The following RSU1 variants were observed in gnomAD, a reference collection of about 807,000 sequenced individuals.
RSU1 encodes the protein rsu-1.
Under a neutral mutation model 31.1 loss-of-function variants are expected in RSU1, and 26 were observed. That is an observed-to-expected ratio of 0.84 (90% CI 0.61 to 1.16). The LOEUF is 1.16. Among genes scored for constraint, RSU1 ranks in the 50% most tolerant of loss-of-function variants. The pLI, the probability that RSU1 is intolerant of heterozygous loss-of-function variation, is 0.00. For missense variants in RSU1, 320 were observed against 339.1 expected (o/e 0.94, Z 0.44); for synonymous variants, 164 against 136.3 (o/e 1.20, Z -1.41).
At chr10:16,726,814 G>A (rs777963491) in intron 7 of RSU1, among the ~76,000 whole-genome samples, 7 of 151,864 alleles carry the variant, frequency 4.6e-5, no homozygotes, top group Admixed American at 2.0e-4. Flanking sequence ...AGTATTTAAT[G>A]TACCTAAAAA....
At chr10:16,779,619 C>T (rs1032406827) in intron 3 of RSU1, among the ~76,000 whole-genome samples, 4 of 151,260 alleles carry the variant, frequency 2.6e-5, no homozygotes, top group South Asian at 2.1e-4. Flanking sequence ...AAAGCAGTGC[C>T]GGGTGAGGGG....
chr10:16,633,357 G>A (rs1198557967), intron 8 of RSU1, among the ~76,000 whole-genome samples: 1 of 152,082 alleles, frequency 6.6e-6, no homozygotes, highest in Non-Finnish European at 1.5e-5. Context: ...ACAGCTTAGG[G>A]TATGATGGCC....
chr10:16,634,090 G>A (rs905740871), intron 8 of RSU1, among the ~76,000 whole-genome samples: 10 of 152,212 alleles, frequency 6.6e-5, no homozygotes, highest in African/African-American at 2.2e-4. Flanking sequence ...AGTCTTTGGC[G>A]AAGTACACCT....
intron 8 of RSU1, among the ~76,000 whole-genome samples, chr10:16,642,837 C>T (rs1023281512): frequency 1.3e-5 from 2 of 152,112 alleles, no homozygotes; most frequent in Non-Finnish European, 2.9e-5. Flanking sequence ...CATTCCTTTG[C>T]CTTCTAAAAG....
intron 7 of RSU1, among the ~76,000 whole-genome samples, chr10:16,746,863 G>C (rs1836865855): frequency 6.6e-6 from 1 of 152,072 alleles, no homozygotes. Context: ...CTGCTTTTTA[G>C]GAGTCTGGAT....
intron 8 of RSU1, among the ~76,000 whole-genome samples, chr10:16,685,841 G>A (rs976451389): frequency 6.6e-6 from 1 of 152,078 alleles, no homozygotes; most frequent in Non-Finnish European, 1.5e-5. Flanking sequence ...GCGTCCCAGA[G>A]AGAACTATTA....
intron 8 of RSU1, among the ~76,000 whole-genome samples, chr10:16,692,098 A>T (rs187477518): frequency 1.3e-5 from 2 of 152,318 alleles, no homozygotes; most frequent in African/African-American, 4.8e-5. Flanking sequence ...CATAAAAGGT[A>T]ATCCAAGGCT....
chr10:16,746,807 T>G (rs1310068634), intron 7 of RSU1, among the ~76,000 whole-genome samples: 5 of 151,338 alleles, frequency 3.3e-5, no homozygotes, highest in Admixed American at 6.6e-5. Flanking sequence ...AAATAATATA[T>G]AAAAGAACAA....
chr10:16,593,670 C>G (rs1447101759), intron 8 of RSU1, among the ~76,000 whole-genome samples, 174 bp from the exon 9 acceptor site: 1 of 152,242 alleles, frequency 6.6e-6, no homozygotes, highest in African/African-American at 2.4e-5. Context: ...ATAAAATTCT[C>G]TTACACATGC....
intron 8 of RSU1, among the ~76,000 whole-genome samples, chr10:16,598,309 C>T (rs1205953153): frequency 2.0e-5 from 3 of 151,868 alleles, no homozygotes; most frequent in East Asian, 3.9e-4. Flanking sequence ...GAGGCCAAGG[C>T]GGGAGGATTG....
intron 8 of RSU1, among the ~76,000 whole-genome samples, chr10:16,657,731 G>A (rs748432004): frequency 1.2e-4 from 18 of 152,060 alleles, no homozygotes; most frequent in Non-Finnish European, 1.6e-4. Context: ...GGTGGCTCAC[G>A]CCCGTAATCC....
At chr10:16,662,480 C>A (rs1298057532) in intron 8 of RSU1, among the ~76,000 whole-genome samples, 1 of 152,162 alleles carries the variant, frequency 6.6e-6, no homozygotes, top group African/African-American at 2.4e-5. Context: ...CTCTTTTTCA[C>A]TTTCCTAATA....
intron 8 of RSU1, among the ~76,000 whole-genome samples, chr10:16,674,540 G>C (rs1202546606): frequency 6.6e-6 from 1 of 152,010 alleles, no homozygotes. Flanking sequence ...CCTGAGGACA[G>C]AGCAGTGTAC....
chr10:16,730,413 T>A (rs1417099796), intron 7 of RSU1, among the ~76,000 whole-genome samples: 1 of 152,012 alleles, frequency 6.6e-6, no homozygotes, highest in Non-Finnish European at 1.5e-5. Flanking sequence ...AGCTAGCACA[T>A]CAGAAGGCGT....
At chr10:16,659,928 C>T (rs373269904) in intron 8 of RSU1, among the ~76,000 whole-genome samples, 5 of 152,164 alleles carry the variant, frequency 3.3e-5, no homozygotes, top group Admixed American at 2.0e-4. Flanking sequence ...CGTTCTGAAA[C>T]GTCTCAGTCT....
chr10:16,593,546 A>G, intron 8 of RSU1, 50 bp from the exon 9 acceptor site: 1 of 1,423,018 alleles, frequency 7.0e-7, no homozygotes, highest in Non-Finnish European at 9.9e-7. Context: ...CCAACACAAG[A>G]TAGCTTTCAC....
intron 8 of RSU1, among the ~76,000 whole-genome samples, chr10:16,679,038 T>C (rs1257780924): frequency 2.0e-5 from 3 of 152,198 alleles, no homozygotes. Context: ...TAAAAAGATC[T>C]ATAAAAATAA....
At chr10:16,765,861 A>C (rs567681497) in intron 3 of RSU1, among the ~76,000 whole-genome samples, 1 of 152,204 alleles carries the variant, frequency 6.6e-6, no homozygotes, top group Non-Finnish European at 1.5e-5. Context: ...AGTCAGACCT[A>C]AACTCAGACC....
At position 16,667,021 on chromosome 10, in the gene RSU1, A is replaced by G. The variant is rs1006906610; in HGVS notation, c.731+28002T>C. Among the ~76,000 whole-genome samples, 10 of 146,682 alleles carry G rather than the reference A, an allele frequency of 6.8e-5. 1 individual carries two copies. The highest frequency in any genetic ancestry group is 2.4e-4 in the African/African-American group (10 of 40,878). ...ATCAAAAAAAACCAAACCAAAACAA[A>G]GCAAAACAAACAACAACAACAACAA... On this transcript the variant is annotated intron_variant, in intron 8 of 8. Transcript: ENST00000345264.
Sources: gnomAD v4.1 joint callset for allele counts (sites outside exome capture counted in the v4.1 genomes callset) on GRCh38, gnomAD v4.1.1 for gene constraint, MANE v1.5 for transcripts, NCBI Gene and HGNC (gene_info 2026-07-23, HGNC 2026-07-21) for gene names.